The following USP13 variants were observed in gnomAD, a reference collection of about 807,000 sequenced individuals.
USP13 encodes ubiquitin carboxyl-terminal hydrolase 13.
USP13 carries 68 observed loss-of-function variants against 107.8 expected under a neutral mutation model. That is an observed-to-expected ratio of 0.63 (90% CI 0.52 to 0.77). USP13 has a LOEUF of 0.77. Ranked by LOEUF, USP13 falls within the 30% of genes least tolerant of loss-of-function variation. The probability of loss-of-function intolerance (pLI) is 0.00; values close to 1 mark genes in which losing one functional copy is unlikely to be tolerated. For missense variants in USP13, 945 were observed against 1,093.3 expected (o/e 0.86, Z 1.91); for synonymous variants, 377 against 389.5 (o/e 0.97, Z 0.38).
rs4041265 is a variant in USP13, at chr3:179,696,328, A to ATTTT, written c.356-4664_356-4661dup. On this transcript the variant is annotated intron_variant, in intron 3 of 20. Transcript: ENST00000263966. ...TACTAAATAAACAGAGCCATTAGGC[A>ATTTT]TTTTTTTTTTTTTTTTTTTGAGATG... Among the ~76,000 whole-genome samples, 298 of 117,672 alleles carry ATTTT rather than the reference A, an allele frequency of 2.5e-3. 11 individuals are homozygous for ATTTT. The highest frequency in any genetic ancestry group is 2.9e-3 in the Admixed American group (28 of 9,710). The allele number at this position is 117,672 out of a possible 152,430, so 77.2% of individuals were successfully genotyped here.
intron 1 of USP13, among the ~76,000 whole-genome samples, chr3:179,654,309 A>T (rs1260738972): frequency 6.6e-6 from 1 of 152,028 alleles, no homozygotes; most frequent in African/African-American, 2.4e-5. Flanking sequence ...GGTTTTCTTA[A>T]GCCTTCCCCA....
At chr3:179,782,599 A>G (rs1318462536) in intron 20 of USP13, among the ~76,000 whole-genome samples, 2 of 152,108 alleles carry the variant, frequency 1.3e-5, no homozygotes, top group Non-Finnish European at 2.9e-5. Context: ...GGCCATGTGG[A>G]TGCTGGAGAA....
rs569602060 is a variant in USP13, at chr3:179,750,326, G to GTATATATATATATATATATA, written c.1710-1940_1710-1939insATATATATATATATATATAT. ...TGTGTATATATATATATATATGTGT[G>GTATATATATATATATATATA]TATATATATATATATATATGTATAT... On this transcript the variant is annotated intron_variant, in intron 13 of 20. Coordinates refer to ENST00000263966, the MANE Select transcript of USP13 (RefSeq NM_003940.3). Among the ~76,000 whole-genome samples, 214 of 75,818 alleles carry GTATATATATATATATATATA rather than the reference G, an allele frequency of 2.8e-3. 1 individual carries two copies. Among genetic ancestry groups the GTATATATATATATATATATA allele is most frequent in the African/African-American group, 7.8e-3 (200 of 25,704 alleles). 49.7% of individuals were successfully genotyped at this position (75,818 alleles called of 152,430 possible).
In USP13 at chr3:179,653,625, C is replaced by T. The variant is rs1238418058; in HGVS notation, c.168+232C>T. The T allele has an allele frequency of 7.1e-6, 4 of 560,650 alleles. No individual in the cohort carries two copies. Among genetic ancestry groups the T allele is most frequent in the South Asian group, 6.8e-5 (3 of 44,252 alleles). The allele number at this position is 560,650 out of a possible 1,614,324, so 34.7% of individuals were successfully genotyped here. Reference sequence around the variant, plus strand: ...CGCCAGCCTCCCCAGGCTGGAAGGGCCCGATTCCCAGCAGCTTGCACACAG... The same window carrying T: ...CGCCAGCCTCCCCAGGCTGGAAGGGTCCGATTCCCAGCAGCTTGCACACAG... On this transcript the variant is annotated intron_variant, in intron 1 of 20. Coordinates refer to ENST00000263966, the MANE Select transcript of USP13 (RefSeq NM_003940.3). This position sits in a 1 kb window ranked among gnomAD's most constrained non-coding sequence, Gnocchi z 4.0.
intron 1 of USP13, among the ~76,000 whole-genome samples, chr3:179,676,600 C>T (rs1251345248): frequency 3.3e-5 from 5 of 152,078 alleles, no homozygotes; most frequent in Non-Finnish European, 4.4e-5. Context: ...CAGAGGCCAT[C>T]GGGTGCTGAC....
chr3:179,746,861 G>A (rs1714430889), intron 13 of USP13, among the ~76,000 whole-genome samples: 1 of 152,094 alleles, frequency 6.6e-6, no homozygotes, highest in Non-Finnish European at 1.5e-5. Flanking sequence ...CACCATGTCC[G>A]GCCTCAACCT....
chr3:179,774,081 C>G (rs1715423385), intron 19 of USP13, among the ~76,000 whole-genome samples: 1 of 152,164 alleles, frequency 6.6e-6, no homozygotes, highest in African/African-American at 2.4e-5. Context: ...TTGAAGAGGC[C>G]TTAGGAAGCT....
intron 19 of USP13, among the ~76,000 whole-genome samples, chr3:179,772,128 T>A (rs1294340725): frequency 6.6e-6 from 1 of 152,232 alleles, no homozygotes; most frequent in Admixed American, 6.5e-5. Context: ...TATTTCACAT[T>A]TTGTATTGGA....
chr3:179,754,619 T>C, intron 14 of USP13, 113 bp from the exon 15 acceptor site: 1 of 1,308,012 alleles, frequency 7.6e-7, no homozygotes, highest in Non-Finnish European at 1.0e-6. Context: ...TTCTAGGGAA[T>C]TGAAAAACAT....
At chr3:179,727,564 C>T (rs1357546910) in intron 8 of USP13, among the ~76,000 whole-genome samples, 115 of 117,070 alleles carry the variant, frequency 9.8e-4, no homozygotes, top group Middle Eastern at 4.0e-3. Context: ...CCACGTCTAC[C>T]TCTTTCTACA....
At chr3:179,731,829 G>C (rs563745883) in intron 10 of USP13, among the ~76,000 whole-genome samples, 2 of 152,178 alleles carry the variant, frequency 1.3e-5, no homozygotes, top group Non-Finnish European at 2.9e-5. Flanking sequence ...CTAGTATCCT[G>C]TCTTGACTTA....
At chr3:179,783,318 A>C (rs1164742462) in intron 20 of USP13, among the ~76,000 whole-genome samples, 1 of 152,194 alleles carries the variant, frequency 6.6e-6, no homozygotes, top group Non-Finnish European at 1.5e-5. Flanking sequence ...GAAAGTATAT[A>C]TATGTCTATA....
Position 179,761,130 on chromosome 3 carries a change from C to A in USP13, c.1967C>A (p.Ser656Ter). 3 of 1,614,164 alleles carry A rather than the reference C, an allele frequency of 1.9e-6. No individual in the cohort carries two copies. In the South Asian group the frequency reaches 3.3e-5, roughly 18 times the overall value. ...TCTGTAGCATCAGACATCGATGAGT[C>A]ATCAGTGATGCAGCTGGCCGAGATG... ...QLIDPSDIDESSVMQLAEMGF... is the reference protein window; with the variant it reads ...QLIDPSDIDE The change falls in exon 17 of 21, where the codon TCA (serine) becomes TAA (stop). Residue 656 changes from serine to a stop codon, truncating the protein, a stop_gained. Coordinates refer to ENST00000263966, the MANE Select transcript of USP13 (RefSeq NM_003940.3). LOFTEE classifies it high-confidence loss of function.
chr3:179,757,187 A>C (rs1014618920), intron 16 of USP13, 109 bp downstream of exon 16: 36 of 1,281,316 alleles, frequency 2.8e-5, no homozygotes, highest in Non-Finnish European at 3.9e-5. Context: ...GTGTGTGTGC[A>C]GCTTTTCCCA....
chr3:179,653,271 G>A lies in USP13; in HGVS notation c.46G>A (p.Gly16Ser), dbSNP rs753184602. The change falls in exon 1 of 21, where the codon GGC (glycine) becomes AGC (serine). Residue 16 changes from glycine (G) to serine (S), a missense_variant. Physicochemically the swap from Gly to Ser is moderately conservative, Grantham distance 56. Transcript: ENST00000263966. The surrounding 1 kb of genome is among the most constrained non-coding windows in gnomAD (Gnocchi z 4.0). ...ALFGMPGGSG[G>S]RKMAAGDIGE... is the part of the protein sequence containing the mutation. ...GTTCGGCATGCCGGGCGGCAGCGGA[G>A]GCAGGAAGATGGCTGCAGGAGACAT... The A allele has an allele frequency of 1.0e-5, 16 of 1,566,598 alleles. No homozygotes were observed. Among genetic ancestry groups the A allele is most frequent in the Non-Finnish European group, 1.4e-5 (16 of 1,156,468 alleles).
intron 19 of USP13, among the ~76,000 whole-genome samples, chr3:179,778,880 G>T (rs539244309): frequency 2.0e-5 from 3 of 152,178 alleles, no homozygotes; most frequent in Non-Finnish European, 2.9e-5. Context: ...TGTGGAAGGA[G>T]GGTTACTATT....
chr3:179,706,872 C>T, intron 4 of USP13, 62 bp from the exon 5 acceptor site: 1 of 1,517,142 alleles, frequency 6.6e-7, no homozygotes, highest in Non-Finnish European at 8.9e-7. Context: ...ATTTGCTATT[C>T]ACTAGCAAAT....
At chr3:179,740,438 T>A in intron 11 of USP13, 66 bp downstream of exon 11, 1 of 1,604,310 alleles carries the variant, frequency 6.2e-7, no homozygotes. Context: ...CTCAGTGCAG[T>A]CTGCTGTGGC....
At chr3:179,783,995 A>C in intron 20 of USP13, 53 bp from the exon 21 acceptor site, 2 of 1,474,596 alleles carry the variant, frequency 1.4e-6, no homozygotes, top group South Asian at 2.4e-5. Context: ...TTCTTTGTGT[A>C]AAGTTTCCTG....
Sources: gnomAD v4.1 joint callset for allele counts (sites outside exome capture counted in the v4.1 genomes callset) on GRCh38, gnomAD v4.1.1 for gene constraint, Gnocchi (gnomAD v3.1) non-coding constraint, MANE v1.5 for transcripts, NCBI Gene and HGNC (gene_info 2026-07-23, HGNC 2026-07-21) for gene names.